ARHGAP6: variants seen among roughly 807,000 people sequenced by gnomAD.
The protein encoded by ARHGAP6 is rho GTPase-activating protein 6.
ARHGAP6 carries 16 observed loss-of-function variants against 55.7 expected under a neutral mutation model. The observed-to-expected ratio is 0.29, with a 90% CI of 0.19 to 0.44. The LOEUF (loss-of-function observed/expected upper bound fraction) is 0.44. Among genes scored for constraint, ARHGAP6 ranks in the 20% least tolerant of loss-of-function variants. The pLI is 1.00. For missense variants in ARHGAP6, 698 were observed against 808.9 expected (o/e 0.86, Z 1.66); for synonymous variants, 382 against 360.9 (o/e 1.06, Z -0.66).
chrX:11,139,432 TC>T lies in ARHGAP6; in HGVS notation c.2355del (p.Ser786AlafsTer56). 1 of 1,187,671 alleles carries T rather than the reference TC, an allele frequency of 8.4e-7. No homozygotes were observed. Among genetic ancestry groups the T allele is most frequent in the Admixed American group, 2.5e-5 (1 of 40,645 alleles). ...GTGTCGCTGTCCAGCTCTGCGGGGC[TC>T]CCCTGCCACCGAGGCCAATTTGGGG... ...NLSPNWPRWQ[G>X]SPAELDSDTQ... On this transcript the variant is annotated frameshift_variant, in exon 13 of 13. Transcript: ENST00000337414. LOFTEE classifies it low-confidence loss of function (END_TRUNC).
intron 8 of ARHGAP6, among the ~76,000 whole-genome samples, chrX:11,174,616 CTCTTTCTTTTCTT>C (rs1287993997): frequency 1.5e-5 from 1 of 65,001 alleles, no homozygotes; most frequent in African/African-American, 5.7e-5. Context: ...TTCTTTCTTT[CTCTTTCTTTTCTT>C]TCTTTCTTTC....
At position 11,511,992 on chromosome X, in the gene ARHGAP6, A is replaced by C. The variant is rs968357064; in HGVS notation, c.588+152249T>G. Among the ~76,000 whole-genome samples the C allele has an allele frequency of 1.6e-4, 18 of 110,516 alleles. No homozygotes were observed. The Admixed American group carries it at 1.6e-3, about 10-fold the overall frequency. ...CAGGTGCCTGCCACCACACCTGGCTAATTTTTTGTATTTTTAGTAGAGACA... is the reference window on the plus strand; with the variant it reads ...CAGGTGCCTGCCACCACACCTGGCTCATTTTTTGTATTTTTAGTAGAGACA... On this transcript the variant is annotated intron_variant, in intron 1 of 12. Transcript: ENST00000337414.
chrX:11,223,408 G>A (rs2046999643), intron 2 of ARHGAP6: 1 of 120,267 alleles, frequency 8.3e-6, no homozygotes. Flanking sequence ...TCCTTAAGCA[G>A]GTAAGTTTCT....
intron 1 of ARHGAP6, among the ~76,000 whole-genome samples, chrX:11,467,992 GAATAAATAAATAAATAAATA>G (rs1199877737): frequency 2.5e-5 from 1 of 39,697 alleles, no homozygotes; most frequent in African/African-American, 8.1e-5. Flanking sequence ...ATGAATGAAT[GAATAAATAAATAAATAAATA>G]AATAAATAAA....
At chrX:11,145,477 A>G (rs1209849107) in intron 10 of ARHGAP6, among the ~76,000 whole-genome samples, 1 of 112,060 alleles carries the variant, frequency 8.9e-6, no homozygotes, top group Non-Finnish European at 1.9e-5. Flanking sequence ...CCAACATGGA[A>G]TAAAGAAGCC....
At chrX:11,477,470 G>A (rs1232710965) in intron 1 of ARHGAP6, among the ~76,000 whole-genome samples, 1 of 111,392 alleles carries the variant, frequency 9.0e-6, no homozygotes, top group Non-Finnish European at 1.9e-5. Flanking sequence ...TTAAACATAC[G>A]CTTACCATAT....
chrX:11,221,912 T>G (rs760425193), intron 2 of ARHGAP6, among the ~76,000 whole-genome samples: 1 of 111,221 alleles, frequency 9.0e-6, no homozygotes, highest in South Asian at 3.8e-4. Flanking sequence ...GTAGGCCCAG[T>G]TGTCTGTTGT....
At chrX:11,213,239 C>T (rs1227882873) in intron 2 of ARHGAP6, among the ~76,000 whole-genome samples, 1 of 113,018 alleles carries the variant, frequency 8.8e-6, no homozygotes, top group African/African-American at 3.2e-5. Context: ...CCCAGGCTCC[C>T]TCCCATGCCC....
chrX:11,411,402 A>G (rs2049686547), intron 1 of ARHGAP6, among the ~76,000 whole-genome samples: 2 of 107,438 alleles, frequency 1.9e-5, no homozygotes, highest in South Asian at 8.2e-4. Context: ...TGTACAATTC[A>G]ATGATATTTT....
chrX:11,152,314 A>G (rs760893285), intron 10 of ARHGAP6, among the ~76,000 whole-genome samples: 2 of 112,573 alleles, frequency 1.8e-5, no homozygotes, highest in African/African-American at 6.4e-5. Context: ...AACTGACTAC[A>G]CAAACATGTG....
At chrX:11,495,065 T>C (rs1398786606) in intron 1 of ARHGAP6, among the ~76,000 whole-genome samples, 1 of 112,272 alleles carries the variant, frequency 8.9e-6, no homozygotes, top group African/African-American at 3.2e-5. Flanking sequence ...TCAGGACCTA[T>C]ATTTGCATTT....
chrX:11,168,631 AG>A (rs1165481691), intron 9 of ARHGAP6, among the ~76,000 whole-genome samples: 2 of 112,427 alleles, frequency 1.8e-5, no homozygotes, highest in African/African-American at 6.5e-5. Flanking sequence ...GGTTGAAGGA[AG>A]GAGCCACAAA....
intron 1 of ARHGAP6, among the ~76,000 whole-genome samples, chrX:11,653,345 A>G: frequency 8.9e-6 from 1 of 112,186 alleles, no homozygotes; most frequent in East Asian, 2.8e-4. Flanking sequence ...CTGGAGTGAC[A>G]GCCTGCTGTC....
chrX:11,589,475 C>G (rs2051778911), intron 1 of ARHGAP6, among the ~76,000 whole-genome samples: 1 of 107,310 alleles, frequency 9.3e-6, no homozygotes, highest in Non-Finnish European at 1.9e-5. Flanking sequence ...AAGACACATA[C>G]TATGCTTATG....
At chrX:11,622,948 T>C (rs192226130) in intron 1 of ARHGAP6, among the ~76,000 whole-genome samples, 4 of 112,004 alleles carry the variant, frequency 3.6e-5, no homozygotes, top group African/African-American at 1.3e-4. Context: ...CAAAGAACCA[T>C]GTTCTATGTT....
At chrX:11,225,676 T>C in intron 2 of ARHGAP6, 1 of 640,437 alleles carries the variant, frequency 1.6e-6, no homozygotes, top group Non-Finnish European at 2.4e-6. Flanking sequence ...TAGAGAATAT[T>C]TCAAGAGCAA....
intron 1 of ARHGAP6, chrX:11,351,645 C>T: frequency 1.4e-6 from 1 of 700,900 alleles, no homozygotes; most frequent in South Asian, 7.4e-5. Flanking sequence ...GCCTTGGTTC[C>T]CAGGCCGGAC....
intron 1 of ARHGAP6, among the ~76,000 whole-genome samples, chrX:11,524,937 C>T (rs2050973971): frequency 1.8e-5 from 2 of 111,358 alleles, no homozygotes; most frequent in South Asian, 3.8e-4. Flanking sequence ...AGCTCCCCTG[C>T]ATGCACAGTT....
chrX:11,305,431 A>C (rs1305079841), intron 1 of ARHGAP6, among the ~76,000 whole-genome samples: 6 of 112,157 alleles, frequency 5.3e-5, no homozygotes, highest in Non-Finnish European at 1.1e-4. Context: ...TAGAATAGTT[A>C]TTTGCTTCTT....
Sources: gnomAD v4.1 joint callset for allele counts (sites outside exome capture counted in the v4.1 genomes callset) on GRCh38, gnomAD v4.1.1 for gene constraint, MANE v1.5 for transcripts, NCBI Gene and HGNC (gene_info 2026-07-23, HGNC 2026-07-21) for gene names.